Variants in GRIA4 observed in about 807,000 individuals in gnomAD.
GRIA4 encodes the protein glutamate ionotropic receptor AMPA type subunit 4, also known as glutamate receptor 4.
GRIA4 carries 34 observed loss-of-function variants against 104.0 expected under a neutral mutation model. The observed-to-expected ratio is 0.33, with a 90% CI of 0.25 to 0.44. GRIA4 has a LOEUF of 0.44. Ranked by LOEUF, GRIA4 falls within the 20% of genes least tolerant of loss-of-function variation. The pLI, the probability that GRIA4 is intolerant of heterozygous loss-of-function variation, is 1.00. For synonymous variants in GRIA4, 386 were observed against 381.9 expected (o/e 1.01, Z -0.13); for missense variants, 750 against 1,096.5 (o/e 0.68, Z 4.46).
At chr11:105,830,236 T>C (rs1943924592) in intron 4 of GRIA4, among the ~76,000 whole-genome samples, 1 of 151,978 alleles carries the variant, frequency 6.6e-6, no homozygotes, top group African/African-American at 2.4e-5. Flanking sequence ...TTATGGATTA[T>C]TGATGGAATA....
At chr11:105,945,541 C>T (rs1448467679) in intron 14 of GRIA4, 1 of 698,736 alleles carries the variant, frequency 1.4e-6, no homozygotes, top group Non-Finnish European at 1.8e-6. Flanking sequence ...GGCTTCCATC[C>T]ATTTGAAGGA....
At chr11:105,755,927 A>G (rs1228083425) in intron 4 of GRIA4, among the ~76,000 whole-genome samples, 1 of 152,290 alleles carries the variant, frequency 6.6e-6, no homozygotes, top group East Asian at 1.9e-4. Context: ...TTGGACTAAG[A>G]CGTCATTGCC....
intron 4 of GRIA4, among the ~76,000 whole-genome samples, chr11:105,814,822 A>G (rs1397381383): frequency 6.6e-6 from 1 of 152,150 alleles, no homozygotes; most frequent in Non-Finnish European, 1.5e-5. Flanking sequence ...ACTATAGGGA[A>G]TCTCTTCCAA....
intron 5 of GRIA4, among the ~76,000 whole-genome samples, chr11:105,864,697 C>T (rs969080049): frequency 6.6e-6 from 1 of 152,028 alleles, no homozygotes; most frequent in African/African-American, 2.4e-5. Context: ...ATGGAGAATC[C>T]CTGTCTCTAC....
chr11:105,666,733 CTTTCTTTT>C (rs1377287810), intron 3 of GRIA4, among the ~76,000 whole-genome samples: 2 of 151,730 alleles, frequency 1.3e-5, no homozygotes, highest in African/African-American at 4.8e-5. Flanking sequence ...TACTGGCTTT[CTTTCTTTT>C]TTTCAACTTT....
chr11:105,916,022 A>G (rs1349844222), intron 10 of GRIA4, among the ~76,000 whole-genome samples: 2 of 152,024 alleles, frequency 1.3e-5, no homozygotes, highest in Admixed American at 1.3e-4. Flanking sequence ...CATCACTACT[A>G]AAAATACAAG....
chr11:105,950,524 TAAATC>T (rs142446072), intron 14 of GRIA4, among the ~76,000 whole-genome samples: 10,440 of 148,834 alleles, frequency 0.07, 365 homozygotes, highest in African/African-American at 0.092. Context: ...GATTAGAACT[TAAATC>T]AATAAGAACT....
intron 3 of GRIA4, among the ~76,000 whole-genome samples, chr11:105,688,150 CTATATCTCTATCTATCTA>C (rs1952952502): frequency 2.0e-5 from 1 of 50,116 alleles, no homozygotes; most frequent in Non-Finnish European, 4.2e-5. Flanking sequence ...ATATCTATAT[CTATATCTCTATCTATCTA>C]TCTATCTATC....
chr11:105,881,359 G>C (rs892533396), intron 5 of GRIA4, among the ~76,000 whole-genome samples: 1 of 152,186 alleles, frequency 6.6e-6, no homozygotes, highest in African/African-American at 2.4e-5. Context: ...AAATTCAGGT[G>C]CTGGCAGTTG....
rs574737300 is a variant in GRIA4, at chr11:105,656,995, T to A, written c.247+44561T>A. Among the ~76,000 whole-genome samples, 10 of 152,074 alleles carry A rather than the reference T, an allele frequency of 6.6e-5. No homozygotes were observed. In the South Asian group the frequency reaches 2.1e-3, roughly 32 times the overall value. Reference sequence around the variant, plus strand: ...ATGGTTTAAAGTCCTGAGTATAAACTACCATATGACCTGTATATTTATAAA... The same window carrying A: ...ATGGTTTAAAGTCCTGAGTATAAACAACCATATGACCTGTATATTTATAAA... On this transcript the variant is annotated intron_variant, in intron 3 of 16. Transcript: ENST00000282499.
chr11:105,942,985 T>G (rs1948218878), intron 14 of GRIA4, among the ~76,000 whole-genome samples: 2 of 152,160 alleles, frequency 1.3e-5, no homozygotes, highest in South Asian at 4.1e-4. Context: ...TTGACATCTC[T>G]ATTTCCTTCC....
intron 5 of GRIA4, among the ~76,000 whole-genome samples, chr11:105,875,127 G>T (rs1223968968): frequency 1.3e-5 from 2 of 152,074 alleles, no homozygotes; most frequent in Non-Finnish European, 2.9e-5. Flanking sequence ...GCATGAAGGG[G>T]TGTTGAATTT....
chr11:105,979,453 C>T (rs1250712736), intron 16 of GRIA4, 122 bp from the exon 17 acceptor site: 15 of 851,664 alleles, frequency 1.8e-5, no homozygotes, highest in Non-Finnish European at 2.8e-5. Flanking sequence ...ACCAAAAGAA[C>T]ATGGAAAAAA....
intron 4 of GRIA4, among the ~76,000 whole-genome samples, chr11:105,781,392 T>G (rs1361388313): frequency 6.6e-6 from 1 of 152,148 alleles, no homozygotes; most frequent in Non-Finnish European, 1.5e-5. Flanking sequence ...TTTTACTGCC[T>G]TTATTTATTC....
At chr11:105,866,095 G>A (rs1461601767) in intron 5 of GRIA4, among the ~76,000 whole-genome samples, 1 of 152,112 alleles carries the variant, frequency 6.6e-6, no homozygotes, top group Non-Finnish European at 1.5e-5. Flanking sequence ...ATGAAAATGA[G>A]TGTTTTCATT....
intron 5 of GRIA4, among the ~76,000 whole-genome samples, chr11:105,864,868 C>T (rs1181751203): frequency 6.6e-6 from 1 of 151,000 alleles, no homozygotes; most frequent in South Asian, 2.1e-4. Context: ...GAAACTCCAT[C>T]TCAAAAAAAA....
At chr11:105,893,395 AAAATATATGAAAG>A (rs1946524594) in intron 6 of GRIA4, among the ~76,000 whole-genome samples, 1 of 152,192 alleles carries the variant, frequency 6.6e-6, no homozygotes, top group Non-Finnish European at 1.5e-5. Flanking sequence ...AAATTGTAAG[AAAATATATGAAAG>A]AAATATATGA....
At chr11:105,944,834 G>A (rs1591473625) in intron 14 of GRIA4, among the ~76,000 whole-genome samples, 1 of 151,712 alleles carries the variant, frequency 6.6e-6, no homozygotes, top group Admixed American at 6.6e-5. Context: ...ATCCTACTTA[G>A]AGACAAATTA....
intron 14 of GRIA4, among the ~76,000 whole-genome samples, chr11:105,957,454 T>C (rs1017198430): frequency 2.0e-5 from 3 of 152,230 alleles, no homozygotes; most frequent in Non-Finnish European, 2.9e-5. Context: ...GGCTCTGTTC[T>C]GTTCCATTGG....
Sources: gnomAD v4.1 joint callset for allele counts (sites outside exome capture counted in the v4.1 genomes callset) on GRCh38, gnomAD v4.1.1 for gene constraint, MANE v1.5 for transcripts, NCBI Gene and HGNC (gene_info 2026-07-23, HGNC 2026-07-21) for gene names.